The following SCLT1 variants were observed in gnomAD, a reference collection of about 807,000 sequenced individuals.
The protein encoded by SCLT1 is sodium channel and clathrin linker 1, also known as sodium channel-associated protein 1.
A neutral mutation model predicts 112.8 loss-of-function variants in SCLT1; 78 were observed. That is an observed-to-expected ratio of 0.69 (90% confidence interval 0.58 to 0.83). SCLT1 has a LOEUF of 0.83. SCLT1 is among the 40% of genes least tolerant of loss of function. The probability of loss-of-function intolerance (pLI) is 0.00; values close to 1 mark genes in which losing one functional copy is unlikely to be tolerated. For synonymous variants in SCLT1, 257 were observed against 254.7 expected, an observed-to-expected ratio of 1.01 and a Z score of -0.09; for missense variants, 747 against 770.4, an observed-to-expected ratio of 0.97 and a Z score of 0.36.
At chr4:129,003,597 G>GTTA (rs1743723332) in intron 6 of SCLT1, 144 bp downstream of exon 6, 1 of 623,690 alleles carries the variant, frequency 1.6e-6, no homozygotes, top group African/African-American at 1.9e-5. Context: ...TACAAGTGTT[G>GTTA]CTACCTGTAA....
chr4:128,891,167 A>G (rs1733284324), intron 18 of SCLT1, 30 bp from the exon 19 acceptor site: 2 of 1,497,136 alleles, frequency 1.3e-6, no homozygotes, highest in South Asian at 1.2e-5. Flanking sequence ...ATCCATTAAT[A>G]TAATTGTTCC....
chr4:129,066,971 G>A (rs1750543322), intron 2 of SCLT1, among the ~76,000 whole-genome samples: 1 of 152,022 alleles, frequency 6.6e-6, no homozygotes, highest in Non-Finnish European at 1.5e-5. Context: ...TTATTTCTGC[G>A]ATATTTAATT....
chr4:128,881,116 A>G (rs1462461919), downstream of SCLT1, among the ~76,000 whole-genome samples: 1 of 152,174 alleles, frequency 6.6e-6, no homozygotes, highest in East Asian at 1.9e-4. Flanking sequence ...CCAAAGCCAT[A>G]TATTTTTCTA....
chr4:128,957,205 C>A (rs756267639), intron 12 of SCLT1, 81 bp from the exon 13 acceptor site: 9 of 719,778 alleles, frequency 1.3e-5, no homozygotes, highest in Admixed American at 5.6e-5. Context: ...ATCCACTAGT[C>A]ACTTCCTTAT....
intron 18 of SCLT1, among the ~76,000 whole-genome samples, chr4:128,901,818 C>G (rs552571837): frequency 6.6e-6 from 1 of 152,036 alleles, no homozygotes; most frequent in African/African-American, 2.4e-5. Context: ...ATTTATCAAT[C>G]CTGTATTATA....
At chr4:129,051,933 G>A (rs970499983) in intron 2 of SCLT1, among the ~76,000 whole-genome samples, 12 of 152,150 alleles carry the variant, frequency 7.9e-5, no homozygotes, top group Non-Finnish European at 1.5e-4. Context: ...TTTTTAGCAT[G>A]GAGGCCTGTT....
chr4:128,891,179 A>G, intron 18 of SCLT1, 42 bp from the exon 19 acceptor site: 2 of 1,400,448 alleles, frequency 1.4e-6, no homozygotes, highest in Non-Finnish European at 2.0e-6. Context: ...AATTGTTCCA[A>G]ATAGAAAACA....
At chr4:129,067,791 C>T (rs1247070638) in intron 2 of SCLT1, among the ~76,000 whole-genome samples, 2 of 151,414 alleles carry the variant, frequency 1.3e-5, no homozygotes, top group African/African-American at 2.4e-5. Flanking sequence ...GGATTACAGG[C>T]GTGAGCCACC....
At chr4:128,936,553 C>A in intron 18 of SCLT1, 102 bp downstream of exon 18, 1 of 614,866 alleles carries the variant, frequency 1.6e-6, no homozygotes, top group South Asian at 2.7e-5. Flanking sequence ...AGGTAAGGTC[C>A]AGAATTATAC....
chr4:128,893,993 G>A (rs1733534126), intron 18 of SCLT1, among the ~76,000 whole-genome samples: 1 of 152,134 alleles, frequency 6.6e-6, no homozygotes, highest in Non-Finnish European at 1.5e-5. Context: ...AGGCCAGAGT[G>A]CAGTGGCACA....
intron 18 of SCLT1, among the ~76,000 whole-genome samples, chr4:128,893,484 C>A (rs1454293941): frequency 1.3e-5 from 2 of 152,170 alleles, no homozygotes; most frequent in African/African-American, 4.8e-5. Flanking sequence ...ATGTGCCAGG[C>A]ACTGTTCTAG....
intron 5 of SCLT1, among the ~76,000 whole-genome samples, chr4:129,030,555 G>A (rs147213254): frequency 7.4e-4 from 112 of 151,604 alleles, no homozygotes; most frequent in African/African-American, 2.5e-3. Flanking sequence ...CAATATAGAC[G>A]GACCTCTAGC....
At position 128,891,124 on chromosome 4, in the gene SCLT1, G is replaced by A. The variant is rs115634955; in HGVS notation, c.1843C>T (p.Arg615Ter). The A allele has an allele frequency of 1.9e-6, 3 of 1,611,948 alleles. No individual in the cohort carries two copies. The highest frequency in any genetic ancestry group is 1.7e-5 in the Admixed American group (1 of 59,810). ...RINNLKSELS[R>*]QKLHTQELLS... is the part of the protein sequence containing the mutation. ...AGCTCTTGGGTATGAAGTTTCTGTC[G>A]ACTCAGCTCACTCCTATTAAGAGCA... Residue 615 changes from arginine to a stop codon, truncating the protein, a stop_gained, in exon 19 of 21, where the codon CGA becomes TGA. Transcript: ENST00000281142. LOFTEE classifies it high-confidence loss of function.
At chr4:128,881,830 C>T (rs1013944831), downstream of SCLT1, among the ~76,000 whole-genome samples, 4 of 152,106 alleles carry the variant, frequency 2.6e-5, no homozygotes, top group Admixed American at 6.6e-5. Context: ...AGAAAAAAAC[C>T]ATCAAGTTTA....
chr4:128,881,694 T>G (rs1223145151), downstream of SCLT1, among the ~76,000 whole-genome samples: 1 of 152,196 alleles, frequency 6.6e-6, no homozygotes, highest in East Asian at 1.9e-4. Context: ...TTCTCCTGTA[T>G]AGTAAAATAC....
At chr4:129,019,998 G>A (rs192753748) in intron 5 of SCLT1, among the ~76,000 whole-genome samples, 30 of 152,126 alleles carry the variant, frequency 2.0e-4, no homozygotes, top group African/African-American at 5.8e-4. Flanking sequence ...GCAGGAAAAC[G>A]TCAATTCCTT....
chr4:129,047,720 G>C (rs1437348309), intron 2 of SCLT1, among the ~76,000 whole-genome samples: 1 of 151,948 alleles, frequency 6.6e-6, no homozygotes, highest in African/African-American at 2.4e-5. Context: ...GTTTTGATTT[G>C]CATTTCTCTA....
chr4:128,964,441 G>A (rs1050417690), intron 11 of SCLT1, among the ~76,000 whole-genome samples: 2 of 152,164 alleles, frequency 1.3e-5, no homozygotes, highest in African/African-American at 4.8e-5. Flanking sequence ...AGGGAGAACA[G>A]TACTGGGGAG....
At chr4:128,984,849 T>C (rs1217008890) in intron 9 of SCLT1, among the ~76,000 whole-genome samples, 1 of 152,110 alleles carries the variant, frequency 6.6e-6, no homozygotes, top group Non-Finnish European at 1.5e-5. Context: ...TCCCAATCCC[T>C]TTCTCATTCT....
Sources: allele counts gnomAD v4.1 joint callset (sites outside exome capture counted in the v4.1 genomes callset), GRCh38; gene constraint gnomAD v4.1.1; transcripts MANE v1.5; gene names NCBI Gene and HGNC (gene_info 2026-07-23, HGNC 2026-07-21).